COL4A1: variants seen among roughly 807,000 people sequenced by gnomAD.
COL4A1 encodes collagen alpha-1(IV) chain.
Under a neutral mutation model 216.6 loss-of-function variants are expected in COL4A1, and 40 were observed. That is an observed-to-expected ratio of 0.18 (90% CI 0.14 to 0.24). The LOEUF is 0.24. Among genes scored for constraint, COL4A1 ranks in the 10% least tolerant of loss-of-function variants. The pLI, the probability that COL4A1 is intolerant of heterozygous loss-of-function variation, is 1.00. For missense variants in COL4A1, 1,628 were observed against 2,196.8 expected, an observed-to-expected ratio of 0.74 and a Z score of 5.18; for synonymous variants, 839 against 810.7, an observed-to-expected ratio of 1.03 and a Z score of -0.59.
At chr13:110,277,968 A>G (rs1883489644) in intron 1 of COL4A1, among the ~76,000 whole-genome samples, 1 of 152,206 alleles carries the variant, frequency 6.6e-6, no homozygotes, top group Non-Finnish European at 1.5e-5. Flanking sequence ...GTTTCTAAAA[A>G]ATTCTTTCCT....
chr13:110,158,239 A>C (rs1486553704), intron 49 of COL4A1, among the ~76,000 whole-genome samples: 1 of 152,248 alleles, frequency 6.6e-6, no homozygotes, highest in African/African-American at 2.4e-5. Flanking sequence ...TATAGCTCAA[A>C]AAAAATCAAA....
chr13:110,171,509 A>C (rs905717349), intron 41 of COL4A1, among the ~76,000 whole-genome samples: 1 of 152,240 alleles, frequency 6.6e-6, no homozygotes, highest in Non-Finnish European at 1.5e-5. Flanking sequence ...AAAAAGTAAC[A>C]GCTTGTAGGA....
intron 42 of COL4A1, among the ~76,000 whole-genome samples, chr13:110,170,121 G>GGAAA (rs1877558197): frequency 4.3e-5 from 1 of 23,260 alleles, no homozygotes; most frequent in African/African-American, 9.1e-5. Flanking sequence ...AAAGAAGGAA[G>GGAAA]GAAGGAAGGA....
chr13:110,151,496 A>T (rs1876495365), intron 51 of COL4A1, among the ~76,000 whole-genome samples: 1 of 152,244 alleles, frequency 6.6e-6, no homozygotes. Context: ...TTGGATGAGT[A>T]ACGAATTAGA....
chr13:110,229,434 T>C (rs1880902113), intron 2 of COL4A1, among the ~76,000 whole-genome samples: 1 of 152,214 alleles, frequency 6.6e-6, no homozygotes, highest in Non-Finnish European at 1.5e-5. Flanking sequence ...TTGAGAAATT[T>C]CCAGCCAATT....
Position 110,183,294 on chromosome 13 carries a change from C to G in COL4A1, c.1898-18G>C. ...CTTTGGACCTAGAGGAAAAAAAGAG[C>G]AAAGACAAACGATGAAGGAATGAGG... is the stretch of plus-strand genomic sequence containing the variant. On this transcript the variant is annotated intron_variant, in intron 26 of 51. Transcript: ENST00000375820. 1 of 1,606,920 alleles carries G rather than the reference C, an allele frequency of 6.2e-7. No homozygotes were observed. Among genetic ancestry groups the G allele is most frequent in the Non-Finnish European group, 8.5e-7 (1 of 1,176,028 alleles).
chr13:110,295,900 C>T (rs534877971), intron 1 of COL4A1, among the ~76,000 whole-genome samples: 13 of 152,360 alleles, frequency 8.5e-5, no homozygotes, highest in South Asian at 4.1e-4. Context: ...TCCAGCTCTC[C>T]GGGGAGACAG....
intron 2 of COL4A1, among the ~76,000 whole-genome samples, chr13:110,235,377 G>T (rs7981579): frequency 9.9e-5 from 15 of 152,128 alleles, no homozygotes; most frequent in African/African-American, 3.4e-4. Context: ...GATGCCGGGC[G>T]CAGTGGCTCA....
chr13:110,207,269 C>A lies in COL4A1; in HGVS notation c.780+134G>T. On this transcript the variant is annotated intron_variant, in intron 13 of 51. Coordinates refer to ENST00000375820, the MANE Select transcript of COL4A1 (RefSeq NM_001845.6). This position sits in a 1 kb window ranked among gnomAD's most constrained non-coding sequence, Gnocchi z 4.4. ...AGGGGCTCGTATTTTATGGACTGAA[C>A]AGTCTATAAATCTGTTTTCCAGACC... is the stretch of plus-strand genomic sequence containing the variant. The A allele has an allele frequency of 1.2e-6, 1 of 805,026 alleles. No homozygotes were observed. The highest frequency in any genetic ancestry group is 2.1e-6 in the Non-Finnish European group (1 of 468,848). The allele number at this position is 805,026 out of a possible 1,614,324, so 49.9% of individuals were successfully genotyped here.
intron 18 of COL4A1, among the ~76,000 whole-genome samples, chr13:110,202,552 T>C (rs1879297724): frequency 6.6e-6 from 1 of 152,122 alleles, no homozygotes; most frequent in Admixed American, 6.5e-5. Flanking sequence ...GTAAAACCCT[T>C]CAATGTAAAT....
chr13:110,173,562 T>G (rs763849064), intron 40 of COL4A1, among the ~76,000 whole-genome samples: 11 of 152,156 alleles, frequency 7.2e-5, no homozygotes, highest in Non-Finnish European at 1.5e-4. Context: ...AAAAGAGTTT[T>G]GTTTTGCTTT....
chr13:110,165,136 T>C, intron 45 of COL4A1, 146 bp from the exon 46 acceptor site: 1 of 1,255,322 alleles, frequency 8.0e-7, no homozygotes, highest in South Asian at 1.5e-5. Context: ...GGTAATCAGA[T>C]CTTCACAAAA....
intron 1 of COL4A1, among the ~76,000 whole-genome samples, chr13:110,299,235 T>A (rs1275823215): frequency 6.6e-6 from 1 of 152,168 alleles, no homozygotes; most frequent in African/African-American, 2.4e-5. Flanking sequence ...GTGAAAGAAG[T>A]CGGGCTGTCA....
intron 46 of COL4A1, 65 bp from the exon 47 acceptor site, chr13:110,163,626 C>G: frequency 7.1e-7 from 1 of 1,414,120 alleles, no homozygotes; most frequent in South Asian, 1.2e-5. Flanking sequence ...TTCTTCCCTT[C>G]TTAAATGTCC....
chr13:110,249,022 TC>T (rs1881960485), intron 1 of COL4A1, among the ~76,000 whole-genome samples: 1 of 151,974 alleles, frequency 6.6e-6, no homozygotes, highest in Admixed American at 6.6e-5. Flanking sequence ...GCAAAATGGC[TC>T]TCCCCAGCTC....
At position 110,174,355 on chromosome 13, in the gene COL4A1, C is replaced by A. The variant is rs560131828; in HGVS notation, c.3406+91G>T. 662 of 1,411,050 alleles carry A rather than the reference C, an allele frequency of 4.7e-4. 2 individuals are homozygous for A. Among genetic ancestry groups the A allele is most frequent in the Non-Finnish European group, 6.2e-4 (630 of 1,008,196 alleles). The allele number at this position is 1,411,050 out of a possible 1,614,324, so 87.4% of individuals were successfully genotyped here. A position where few individuals can be genotyped will look rare whatever the true frequency, so the allele number is the denominator to read the frequency against. ...AGACAGGACAGCTGGCCTCCCTGCT[C>A]CCCGTCTGTGATGGGAACTCCTTGG... On this transcript the variant is annotated intron_variant, in intron 39 of 51. Coordinates refer to ENST00000375820, the MANE Select transcript of COL4A1 (RefSeq NM_001845.6).
chr13:110,238,267 A>G (rs1157395188), intron 2 of COL4A1, among the ~76,000 whole-genome samples: 2 of 152,252 alleles, frequency 1.3e-5, no homozygotes, highest in Non-Finnish European at 2.9e-5. Flanking sequence ...AAATGCTACA[A>G]TTCTACTTAA....
At chr13:110,237,764 G>T (rs993990713) in intron 2 of COL4A1, among the ~76,000 whole-genome samples, 1 of 152,226 alleles carries the variant, frequency 6.6e-6, no homozygotes, top group Non-Finnish European at 1.5e-5. Context: ...ATGTTGAGAT[G>T]CAGAGAGACA....
chr13:110,200,235 C>T (rs1256709000), intron 20 of COL4A1, among the ~76,000 whole-genome samples: 7 of 152,034 alleles, frequency 4.6e-5, no homozygotes, highest in Admixed American at 1.3e-4. Context: ...CACGCACACA[C>T]GTGGACACAC....
Sources: gnomAD v4.1 joint callset for allele counts (sites outside exome capture counted in the v4.1 genomes callset) on GRCh38, gnomAD v4.1.1 for gene constraint, Gnocchi (gnomAD v3.1) non-coding constraint, MANE v1.5 for transcripts, NCBI Gene and HGNC (gene_info 2026-07-23, HGNC 2026-07-21) for gene names.